The following MTUS2 variants were observed in gnomAD, a reference collection of about 807,000 sequenced individuals.
MTUS2 encodes the protein microtubule-associated tumor suppressor candidate 2.
MTUS2 carries 40 observed loss-of-function variants against 114.1 expected under a neutral mutation model. The ratio of observed to expected loss-of-function variants is 0.35; its 90% CI spans 0.27 to 0.46. The LOEUF is 0.46. MTUS2 is among the 20% of genes least tolerant of loss of function. The pLI is 1.00. For missense variants in MTUS2, 1,679 were observed against 1,705.4 expected, an observed-to-expected ratio of 0.98 and a Z score of 0.27; for synonymous variants, 688 against 672.0, an observed-to-expected ratio of 1.02 and a Z score of -0.37.
At chr13:29,418,151 C>G (rs1016002506) in intron 8 of MTUS2, among the ~76,000 whole-genome samples, 2 of 152,150 alleles carry the variant, frequency 1.3e-5, no homozygotes, top group African/African-American at 4.8e-5. Context: ...CAGTTTAGAG[C>G]CAGTGCCCAA....
chr13:28,954,501 A>G (rs772997894), intron 2 of MTUS2, among the ~76,000 whole-genome samples: 4 of 152,218 alleles, frequency 2.6e-5, no homozygotes, highest in Non-Finnish European at 5.9e-5. Flanking sequence ...GCTGGGCAGA[A>G]TTAGGAGGGA....
chr13:29,488,501 T>C (rs1178661818), intron 11 of MTUS2, among the ~76,000 whole-genome samples: 4 of 142,410 alleles, frequency 2.8e-5, no homozygotes, highest in Non-Finnish European at 4.5e-5. Flanking sequence ...AGTGCAGTGG[T>C]GCGATCTCAG....
chr13:28,874,359 TAATA>T (rs912201626), intron 2 of MTUS2, among the ~76,000 whole-genome samples: 2 of 152,206 alleles, frequency 1.3e-5, no homozygotes, highest in Non-Finnish European at 2.9e-5. Flanking sequence ...TAATTCAGTA[TAATA>T]AATCCTACAA....
chr13:29,111,602 G>A (rs1343333650), intron 5 of MTUS2, among the ~76,000 whole-genome samples: 2 of 152,130 alleles, frequency 1.3e-5, no homozygotes, highest in Non-Finnish European at 2.9e-5. Flanking sequence ...ATATCAAAAA[G>A]CAAGCAAACA....
At position 29,204,094 on chromosome 13, in the gene MTUS2, G is replaced by A. The variant is rs529329085; in HGVS notation, c.2645-77610G>A. On this transcript the variant is annotated intron_variant, in intron 5 of 15. Coordinates refer to ENST00000612955, the MANE Select transcript of MTUS2 (RefSeq NM_001033602.4). ...CCTGCCTCAGCCTCCAAAGTAGCTG[G>A]GACTACAGGTGCCCGCCACCACGCC... 7.4e-4 allele frequency among the ~76,000 whole-genome samples: 112 copies of A among 152,086 alleles called. 2 individuals are homozygous for A. The South Asian group carries it at 0.023, about 31-fold the overall frequency.
At chr13:29,181,788 C>CTG (rs34853883) in intron 5 of MTUS2, among the ~76,000 whole-genome samples, 3,767 of 146,770 alleles carry the variant, frequency 0.026, 67 homozygotes, top group African/African-American at 0.057. Context: ...TTATATACTA[C>CTG]TGTGTGTGTG....
intron 3 of MTUS2, among the ~76,000 whole-genome samples, chr13:29,032,936 C>T (rs1189861265): frequency 2.0e-5 from 3 of 152,084 alleles, no homozygotes; most frequent in Non-Finnish European, 4.4e-5. Context: ...TTATTTAGTT[C>T]TCTCTCTTTT....
intron 5 of MTUS2, among the ~76,000 whole-genome samples, chr13:29,243,005 AG>A (rs1403802775): frequency 5.9e-5 from 9 of 152,202 alleles, no homozygotes; most frequent in African/African-American, 2.2e-4. Flanking sequence ...AAATAATAAT[AG>A]TTCTTAAAAT....
chr13:29,273,650 C>T lies in MTUS2; in HGVS notation c.2645-8054C>T, dbSNP rs1420764727. On this transcript the variant is annotated intron_variant, in intron 5 of 15. Transcript: ENST00000612955. ...TATGCAATATCACCCCTATTTAATT[C>T]GAGAACATATTTAATCACCCCAGAA... 5.3e-5 allele frequency among the ~76,000 whole-genome samples: 8 copies of T among 152,202 alleles called. No individual in the cohort carries two copies. In the South Asian group the frequency reaches 1.2e-3, roughly 24 times the overall value.
chr13:29,126,344 G>A (rs1321091096), intron 5 of MTUS2, among the ~76,000 whole-genome samples: 3 of 152,042 alleles, frequency 2.0e-5, no homozygotes, highest in South Asian at 2.1e-4. Context: ...ACCTACAGCC[G>A]TATTTCCCAT....
intron 5 of MTUS2, among the ~76,000 whole-genome samples, chr13:29,138,957 A>G (rs1288132492): frequency 6.6e-6 from 1 of 152,094 alleles, no homozygotes; most frequent in African/African-American, 2.4e-5. Flanking sequence ...TCTGCTTTGG[A>G]AGCTGGTTTC....
intron 2 of MTUS2, among the ~76,000 whole-genome samples, chr13:29,022,048 A>C (rs1886314926): frequency 6.6e-6 from 1 of 152,204 alleles, no homozygotes; most frequent in East Asian, 1.9e-4. Flanking sequence ...CGGAAATGCA[A>C]GCGCACATGC....
At chr13:29,387,352 C>T (rs1872694890) in intron 8 of MTUS2, among the ~76,000 whole-genome samples, 1 of 152,076 alleles carries the variant, frequency 6.6e-6, no homozygotes, top group Non-Finnish European at 1.5e-5. Context: ...GCACCAAGCC[C>T]TGCGGTTGGA....
rs552115208 is a variant in MTUS2 at position 29,236,835 on chromosome 13, A to G, written c.2645-44869A>G. ...AGGGAAATGCAGAACATTCAGACCT[A>G]TGGATCTATTTTTAATATTGATCAC... On this transcript the variant is annotated intron_variant, in intron 5 of 15. Coordinates refer to ENST00000612955, the MANE Select transcript of MTUS2 (RefSeq NM_001033602.4). 2.0e-5 allele frequency among the ~76,000 whole-genome samples: 3 copies of G among 152,334 alleles called. No homozygotes were observed. The South Asian group carries it at 6.2e-4, about 32-fold the overall frequency.
chr13:29,234,067 A>G (rs1043957919), intron 5 of MTUS2, among the ~76,000 whole-genome samples: 5 of 152,236 alleles, frequency 3.3e-5, no homozygotes, highest in African/African-American at 1.2e-4. Context: ...TTTGCCCTGC[A>G]GTACATAAAT....
intron 2 of MTUS2, among the ~76,000 whole-genome samples, chr13:28,863,502 C>T (rs1029409494): frequency 6.6e-6 from 1 of 152,134 alleles, no homozygotes; most frequent in Non-Finnish European, 1.5e-5. Flanking sequence ...TATTAGTAAA[C>T]ACCGTTTCTT....
At chr13:28,933,136 C>CAG (rs1172091653) in intron 2 of MTUS2, among the ~76,000 whole-genome samples, 1 of 150,156 alleles carries the variant, frequency 6.7e-6, no homozygotes, top group African/African-American at 2.5e-5. Context: ...CACACACACA[C>CAG]ACACACACAC....
chr13:28,908,971 G>C (rs934051750), intron 2 of MTUS2, among the ~76,000 whole-genome samples: 9 of 151,426 alleles, frequency 5.9e-5, no homozygotes, highest in African/African-American at 2.2e-4. Context: ...TCTTGTTTTT[G>C]TCAGGTTTGT....
intron 5 of MTUS2, among the ~76,000 whole-genome samples, chr13:29,214,857 G>C (rs1353166984): frequency 4.6e-5 from 7 of 152,060 alleles, no homozygotes; most frequent in Admixed American, 4.6e-4. Context: ...CTCTTCTCGA[G>C]GAGTATCTTA....
Sources: allele counts gnomAD v4.1 joint callset (sites outside exome capture counted in the v4.1 genomes callset), GRCh38; gene constraint gnomAD v4.1.1; transcripts MANE v1.5; gene names NCBI Gene and HGNC (gene_info 2026-07-23, HGNC 2026-07-21).